The following ZZEF1 variants were observed in gnomAD, a reference collection of about 807,000 sequenced individuals.
The protein encoded by ZZEF1 is zinc finger ZZ-type and EF-hand domain-containing protein 1.
A neutral mutation model predicts 342.8 loss-of-function variants in ZZEF1; 157 were observed. The ratio of observed to expected loss-of-function variants is 0.46; its 90% CI spans 0.40 to 0.52. The LOEUF (loss-of-function observed/expected upper bound fraction) is 0.52. Ranked by LOEUF, ZZEF1 falls within the 20% of genes least tolerant of loss-of-function variation. The probability of loss-of-function intolerance (pLI) is 0.00; values close to 1 mark genes in which losing one functional copy is unlikely to be tolerated. For synonymous variants in ZZEF1, 1,505 were observed against 1,429.1 expected (o/e 1.05, Z -1.20); for missense variants, 3,480 against 3,725.6 (o/e 0.93, Z 1.72).
At chr17:4,063,135 C>T (rs969185417) in intron 29 of ZZEF1, among the ~76,000 whole-genome samples, 3 of 152,182 alleles carry the variant, frequency 2.0e-5, no homozygotes, top group Admixed American at 6.5e-5. Flanking sequence ...TCCAGAAGTC[C>T]GACAACCCAT....
Position 4,117,104 on chromosome 17 carries a change from G to T in ZZEF1, c.562C>A (p.Arg188Ser). 6.2e-7 allele frequency: 1 copy of T among 1,614,098 alleles called. No homozygotes were observed. The highest frequency in any genetic ancestry group is 8.5e-7 in the Non-Finnish European group (1 of 1,180,000). The change falls in exon 3 of 55, where the codon CGC becomes AGC. Residue 188 changes from arginine to serine, a missense_variant. Arg to Ser is a moderately radical substitution (Grantham distance 110). Transcript: ENST00000381638. ...GLDIHSSMIL[R>S]FLHRNRLSSA... The stretch of plus-strand genomic sequence containing the variant: ...GAGAGCCGATTGCGGTGCAGGAAGC[G>T]CAGTATCATTGACGAGTGAATATCA...
chr17:4,081,527 A>C, intron 17 of ZZEF1, 37 bp from the exon 18 acceptor site: 1 of 1,523,058 alleles, frequency 6.6e-7, no homozygotes, highest in Non-Finnish European at 9.1e-7. Flanking sequence ...ACCTGGCTTC[A>C]GGAGAAAGAT....
In ZZEF1 at chr17:4,046,021, G is replaced by A. The variant is rs538685568; in HGVS notation, c.6016-1647C>T. Among the ~76,000 whole-genome samples, 21 of 152,164 alleles carry A rather than the reference G, an allele frequency of 1.4e-4. 1 individual carries two copies. In the East Asian group the frequency reaches 4.1e-3, roughly 29 times the overall value. On this transcript the variant is annotated intron_variant, in intron 37 of 54. Transcript: ENST00000381638. The stretch of plus-strand genomic sequence containing the variant: ...TTTTTGTATTTTTAGTAGAGATGAG[G>A]TTTCACTGTGTTAGCCAGGATGGTC...
chr17:4,120,766 CGTT>C (rs1256674362), intron 2 of ZZEF1, among the ~76,000 whole-genome samples: 6 of 152,114 alleles, frequency 3.9e-5, no homozygotes, highest in Non-Finnish European at 7.3e-5. Flanking sequence ...CATGGCAAAA[CGTT>C]GTATCTATGT....
At chr17:4,125,588 A>G (rs2058560765) in intron 1 of ZZEF1, among the ~76,000 whole-genome samples, 1 of 152,254 alleles carries the variant, frequency 6.6e-6, no homozygotes, top group South Asian at 2.1e-4. Context: ...TAATAGGATC[A>G]AAGACTTCAC....
At chr17:4,083,269 T>A (rs1210440575) in intron 16 of ZZEF1, among the ~76,000 whole-genome samples, 3 of 152,338 alleles carry the variant, frequency 2.0e-5, no homozygotes, top group Non-Finnish European at 2.9e-5. Flanking sequence ...TGCGTCCTGT[T>A]TCTACTTTCT....
intron 34 of ZZEF1, among the ~76,000 whole-genome samples, 197 bp from the exon 35 acceptor site, chr17:4,052,333 A>G (rs780738513): frequency 1.3e-5 from 2 of 152,188 alleles, no homozygotes; most frequent in Non-Finnish European, 2.9e-5. Context: ...TTGGCACAGA[A>G]TTTCTCGGCA....
intron 2 of ZZEF1, among the ~76,000 whole-genome samples, chr17:4,122,622 A>C (rs1211999720): frequency 1.3e-5 from 2 of 152,014 alleles, no homozygotes; most frequent in Admixed American, 6.5e-5. Flanking sequence ...TCAGGTCGGG[A>C]ACTCCGCCTA....
At chr17:4,128,478 GAC>G (rs2058610883) in intron 1 of ZZEF1, among the ~76,000 whole-genome samples, 1 of 126,226 alleles carries the variant, frequency 7.9e-6, no homozygotes, top group African/African-American at 2.8e-5. Flanking sequence ...TTTTAAATTT[GAC>G]ACAGAGTTTA....
At chr17:4,116,113 A>C (rs140465255) in intron 3 of ZZEF1, among the ~76,000 whole-genome samples, 1 of 152,182 alleles carries the variant, frequency 6.6e-6, no homozygotes. Context: ...TGAGGTCAGG[A>C]GTTTAAGACC....
At chr17:4,036,725 C>T (rs960196520) in intron 39 of ZZEF1, among the ~76,000 whole-genome samples, 2 of 138,868 alleles carry the variant, frequency 1.4e-5, no homozygotes, top group African/African-American at 5.8e-5. Context: ...GAGGGAAACT[C>T]CATCTTCAAA....
intron 1 of ZZEF1, among the ~76,000 whole-genome samples, chr17:4,132,912 G>A (rs2058690622): frequency 1.3e-5 from 2 of 152,180 alleles, no homozygotes; most frequent in South Asian, 4.1e-4. Flanking sequence ...CTTGCAGTGA[G>A]CTGAGATCAC....
chr17:4,079,828 G>A (rs1036837508), intron 18 of ZZEF1, among the ~76,000 whole-genome samples: 6 of 152,146 alleles, frequency 3.9e-5, no homozygotes, highest in African/African-American at 9.7e-5. Context: ...ACTCAAAACA[G>A]TAAGGCACCC....
rs142724320 is a variant in ZZEF1, at chr17:4,017,695, T to C, written c.7677A>G (p.Glu2559=). ...RPARCDQATA[E]SNPVTQKLIS... is the part of the protein sequence containing the mutation. ...TCAGCTTCTGGGTCACAGGGTTCGA[T>C]TCAGCAGTGGCTTGGTCACAGCGTG... is the stretch of plus-strand genomic sequence containing the variant. The change falls in exon 48 of 55, where the codon GAA becomes GAG. Residue 2559 remains glutamate (E), a synonymous_variant. Coordinates refer to ENST00000381638, the MANE Select transcript of ZZEF1 (RefSeq NM_015113.4). This position sits in a 1 kb window ranked among gnomAD's most constrained non-coding sequence, Gnocchi z 5.1. The C allele has an allele frequency of 2.0e-4, 315 of 1,613,558 alleles. No homozygotes were observed. The African/African-American group carries it at 3.7e-3, about 19-fold the overall frequency.
rs2057440579 is a variant in ZZEF1, at chr17:4,068,229, GC to G, written c.4076-988del. Among the ~76,000 whole-genome samples the G allele has an allele frequency of 2.0e-5, 3 of 152,070 alleles. No homozygotes were observed. The South Asian group carries it at 6.2e-4, about 31-fold the overall frequency. On this transcript the variant is annotated intron_variant, in intron 26 of 54. Coordinates refer to ENST00000381638, the MANE Select transcript of ZZEF1 (RefSeq NM_015113.4). ...AGACTGTAGCTGATAATTATTTTAA[GC>G]TTTTCTATACTTAGGTTGCTACATA...
intron 2 of ZZEF1, among the ~76,000 whole-genome samples, chr17:4,121,755 G>A (rs920018854): frequency 6.6e-6 from 1 of 150,602 alleles, no homozygotes; most frequent in Non-Finnish European, 1.5e-5. Flanking sequence ...ACAGGGTCTC[G>A]CTCTATCACA....
chr17:4,035,170 C>T (rs972156944), intron 39 of ZZEF1, among the ~76,000 whole-genome samples: 8 of 152,104 alleles, frequency 5.3e-5, no homozygotes, highest in Non-Finnish European at 1.2e-4. Flanking sequence ...TTCAGCTAAA[C>T]GGCCTGGTAC....
rs778845530 is a variant in ZZEF1 at position 4,017,945 on chromosome 17, T to A, written c.7532A>T (p.Asp2511Val). 1.2e-6 allele frequency: 2 copies of A among 1,613,966 alleles called. No individual in the cohort carries two copies. The highest frequency in any genetic ancestry group is 1.7e-6 in the Non-Finnish European group (2 of 1,180,036). The change falls in exon 47 of 55, where the codon GAT becomes GTT. Residue 2511 changes from aspartate (D) to valine (V), a missense_variant. Asp to Val is a radical substitution (Grantham distance 152). Transcript: ENST00000381638. The surrounding 1 kb of genome is among the most constrained non-coding windows in gnomAD (Gnocchi z 5.1). ...KRFDGDELTT[D>V]ERIRSLAQRW... is the part of the protein sequence containing the mutation. The stretch of plus-strand genomic sequence containing the variant: ...CTGAGCCAGGGACCGTATCCTTTCA[T>A]CTGTGGTGAGCTCATCACCATCAAA...
At chr17:4,140,537 T>A (rs141169419) in intron 1 of ZZEF1, among the ~76,000 whole-genome samples, 61 of 152,310 alleles carry the variant, frequency 4.0e-4, no homozygotes, top group African/African-American at 1.4e-3. Flanking sequence ...AGAGCAAGTA[T>A]CTGCTTTGTC....
Sources: allele counts gnomAD v4.1 joint callset (sites outside exome capture counted in the v4.1 genomes callset), GRCh38; gene constraint gnomAD v4.1.1; non-coding constraint Gnocchi (gnomAD v3.1); transcripts MANE v1.5; gene names NCBI Gene and HGNC (gene_info 2026-07-23, HGNC 2026-07-21).